CFAP44: variants seen among roughly 807,000 people sequenced by gnomAD.
CFAP44 encodes cilia and flagella associated protein 44, also known as cilia- and flagella-associated protein 44.
CFAP44 carries 134 observed loss-of-function variants against 216.2 expected under a neutral mutation model. The observed-to-expected ratio is 0.62, with a 90% CI of 0.54 to 0.72. The LOEUF is 0.72. CFAP44 is among the 30% of genes least tolerant of loss of function. The pLI is 0.00. For missense variants in CFAP44, 2,035 were observed against 2,182.1 expected (o/e 0.93, Z 1.34); for synonymous variants, 700 against 727.6 (o/e 0.96, Z 0.61).
At chr3:113,395,941 A>G (rs1933979180) in intron 14 of CFAP44, 81 bp from the exon 15 acceptor site, 6 of 962,668 alleles carry the variant, frequency 6.2e-6, no homozygotes, top group Middle Eastern at 5.9e-4. Context: ...ATGTAATAAC[A>G]TAACGCTATC....
intron 22 of CFAP44, among the ~76,000 whole-genome samples, chr3:113,353,000 G>C (rs1950458848): frequency 6.6e-6 from 1 of 152,154 alleles, no homozygotes; most frequent in Admixed American, 6.5e-5. Flanking sequence ...CCCCAGATCA[G>C]GGACGGAAAG....
chr3:113,302,772 CAAA>C (rs57355375), intron 32 of CFAP44, among the ~76,000 whole-genome samples: 13 of 44,508 alleles, frequency 2.9e-4, no homozygotes, highest in Non-Finnish European at 4.7e-4. Flanking sequence ...GACTCCATCT[CAAA>C]AAAAAAAAAA....
At chr3:113,382,200 G>A (rs1448142022) in intron 15 of CFAP44, among the ~76,000 whole-genome samples, 1 of 152,172 alleles carries the variant, frequency 6.6e-6, no homozygotes, top group Non-Finnish European at 1.5e-5. Flanking sequence ...GAGTGAAGGA[G>A]ACTGAGAAAG....
chr3:113,301,888 T>C (rs772482254), intron 32 of CFAP44, among the ~76,000 whole-genome samples: 1 of 152,198 alleles, frequency 6.6e-6, no homozygotes, highest in Non-Finnish European at 1.5e-5. Context: ...TGGATCTCAC[T>C]GAAATTTTGT....
chr3:113,430,191 A>G (rs1394616964), intron 2 of CFAP44, among the ~76,000 whole-genome samples: 1 of 152,112 alleles, frequency 6.6e-6, no homozygotes, highest in Non-Finnish European at 1.5e-5. Flanking sequence ...AAAAAGTCCA[A>G]TATTTGGAAA....
At chr3:113,293,483 C>G (rs775215) in intron 34 of CFAP44, among the ~76,000 whole-genome samples, 109,986 of 152,180 alleles carry the variant, frequency 0.72, 40,157 homozygotes, top group Admixed American at 0.81. Context: ...TACATGTAAA[C>G]ATATACTGTG....
At chr3:113,399,408 C>A (rs1307707601) in intron 13 of CFAP44, among the ~76,000 whole-genome samples, 1 of 152,144 alleles carries the variant, frequency 6.6e-6, no homozygotes, top group Non-Finnish European at 1.5e-5. Flanking sequence ...TAATTTTTTT[C>A]TATAGTTCTT....
intron 7 of CFAP44, among the ~76,000 whole-genome samples, chr3:113,407,772 T>A (rs1003007541): frequency 1.3e-5 from 2 of 152,050 alleles, no homozygotes; most frequent in African/African-American, 4.8e-5. Context: ...CAAGTAGATA[T>A]AAAATAGATA....
intron 1 of CFAP44, 22 bp downstream of exon 1, chr3:113,441,431 G>A: frequency 4.1e-6 from 4 of 985,848 alleles, no homozygotes; most frequent in Non-Finnish European, 4.8e-6. Flanking sequence ...GGAAACTGCC[G>A]GCTGCTGAGG....
chr3:113,363,630 G>T (rs1950562320), intron 19 of CFAP44, 98 bp from the exon 20 acceptor site: 3 of 1,125,494 alleles, frequency 2.7e-6, no homozygotes, highest in Admixed American at 6.3e-5. Flanking sequence ...AATTGGTTCG[G>T]TTTTCTTTTT....
At chr3:113,408,400 G>A (rs1281937591) in intron 7 of CFAP44, among the ~76,000 whole-genome samples, 1 of 152,214 alleles carries the variant, frequency 6.6e-6, no homozygotes, top group African/African-American at 2.4e-5. Flanking sequence ...ATGATAGTGT[G>A]ATAATTCTTG....
intron 24 of CFAP44, among the ~76,000 whole-genome samples, chr3:113,337,633 G>T (rs1237139835): frequency 1.3e-5 from 2 of 152,118 alleles, no homozygotes; most frequent in South Asian, 4.1e-4. Flanking sequence ...AGTAAACCCA[G>T]AAATAGACCC....
intron 15 of CFAP44, among the ~76,000 whole-genome samples, chr3:113,392,018 T>C (rs1280591924): frequency 2.6e-5 from 4 of 152,136 alleles, no homozygotes; most frequent in Non-Finnish European, 5.9e-5. Flanking sequence ...AGCTAACATA[T>C]GATCCAGCAA....
rs780103861 is a variant in CFAP44 at position 113,366,040 on chromosome 3, C to T, written c.2714G>A (p.Arg905Lys). ...TTAACTGGTTAATTAATTACATACCCTGGGAGATGGAACTTTGGCCTTCAT... is the reference window on the plus strand; with the variant it reads ...TTAACTGGTTAATTAATTACATACCTTGGGAGATGGAACTTTGGCCTTCAT... ...KDMKAKVPSP[R>K]FGIETEPIPE... Residue 905 changes from arginine to lysine, a missense_variant and splice_region_variant, in exon 19 of 35, where the codon AGG (arginine) becomes AAG (lysine). By Grantham distance (26) the Arg-to-Lys change is conservative. Coordinates refer to ENST00000393845, the MANE Select transcript of CFAP44 (RefSeq NM_001164496.2). The T allele has an allele frequency of 1.2e-6, 2 of 1,607,842 alleles. No homozygotes were observed. The highest frequency in any genetic ancestry group is 2.2e-5 in the South Asian group (2 of 90,252).
chr3:113,375,241 C>T (rs73235092), intron 17 of CFAP44, among the ~76,000 whole-genome samples: 2 of 152,140 alleles, frequency 1.3e-5, no homozygotes, highest in Non-Finnish European at 2.9e-5. Context: ...ATGAGGAGGA[C>T]GGTAGAACAG....
intron 24 of CFAP44, among the ~76,000 whole-genome samples, chr3:113,338,978 A>G (rs1340359048): frequency 6.6e-6 from 1 of 152,000 alleles, no homozygotes; most frequent in Non-Finnish European, 1.5e-5. Flanking sequence ...ACCCCTTGCA[A>G]CCTGAGATGG....
At chr3:113,324,279 C>T (rs895129150) in intron 28 of CFAP44, among the ~76,000 whole-genome samples, 2 of 151,890 alleles carry the variant, frequency 1.3e-5, no homozygotes, top group African/African-American at 4.8e-5. Flanking sequence ...GTTTTTATTA[C>T]CCTGATACTA....
chr3:113,377,059 C>A (rs1286740414), intron 17 of CFAP44, among the ~76,000 whole-genome samples: 2 of 152,028 alleles, frequency 1.3e-5, no homozygotes, highest in African/African-American at 4.8e-5. Context: ...GGTGTTACAT[C>A]TAATTGAGAC....
intron 1 of CFAP44, among the ~76,000 whole-genome samples, chr3:113,436,696 A>G (rs1019724937): frequency 2.0e-5 from 3 of 152,216 alleles, no homozygotes; most frequent in Non-Finnish European, 4.4e-5. Context: ...GTCCCAAATA[A>G]GTGAAGGCAA....
Sources: gnomAD v4.1 joint callset for allele counts (sites outside exome capture counted in the v4.1 genomes callset) on GRCh38, gnomAD v4.1.1 for gene constraint, MANE v1.5 for transcripts, NCBI Gene and HGNC (gene_info 2026-07-23, HGNC 2026-07-21) for gene names.